UBE2F: variants seen among roughly 807,000 people sequenced by gnomAD.
The protein encoded by UBE2F is ubiquitin conjugating enzyme E2 F (putative), also known as NEDD8-conjugating enzyme UBE2F.
Under a neutral mutation model 29.6 loss-of-function variants are expected in UBE2F, and 5 were observed. That is an observed-to-expected ratio of 0.17 (90% confidence interval 0.09 to 0.36). The LOEUF (loss-of-function observed/expected upper bound fraction) is 0.36, where lower values mean the gene tolerates loss of function less well. Ranked by LOEUF, UBE2F falls within the 10% of genes least tolerant of loss-of-function variation. The pLI is 1.00. For synonymous variants in UBE2F, 66 were observed against 81.8 expected (o/e 0.81, Z 1.04); for missense variants, 141 against 228.5 (o/e 0.62, Z 2.47).
intron 2 of UBE2F, among the ~76,000 whole-genome samples, chr2:237,985,366 C>T (rs1349316358): frequency 6.6e-6 from 1 of 151,818 alleles, no homozygotes; most frequent in African/African-American, 2.4e-5. Context: ...CCCCATTCTG[C>T]CCCCTTCCCC....
At chr2:238,026,642 C>A (rs925566124) in intron 6 of UBE2F, among the ~76,000 whole-genome samples, 7 of 152,120 alleles carry the variant, frequency 4.6e-5, no homozygotes, top group Admixed American at 2.0e-4. Context: ...ACTGTGTTAG[C>A]CAGGATGGTC....
chr2:238,003,110 C>T (rs1322744328), intron 4 of UBE2F, among the ~76,000 whole-genome samples: 1 of 152,006 alleles, frequency 6.6e-6, no homozygotes, highest in East Asian at 1.9e-4. Context: ...TTTATACTCT[C>T]ATCCCTGTTT....
chr2:237,973,203 G>A lies in UBE2F; in HGVS notation c.96G>A (p.Val32=), dbSNP rs1434281301. ...TASDSTRRVS[V]RDKLLVKEVA... is the part of the protein sequence containing the mutation. ...CCGACTCGACTCGGAGGGTTTCTGT[G>A]AGAGACAAATTGCTTGTTAAAGGTA... The change falls in exon 2 of 10, where the codon GTG becomes GTA. Residue 32 remains valine, a synonymous_variant. Transcript: ENST00000272930. 2 of 1,613,796 alleles carry A rather than the reference G, an allele frequency of 1.2e-6. No homozygotes were observed. Among genetic ancestry groups the A allele is most frequent in the Non-Finnish European group, 1.7e-6 (2 of 1,179,706 alleles).
At chr2:238,022,175 C>CTTTTTTCTTTTT (rs2064310343) in intron 5 of UBE2F, among the ~76,000 whole-genome samples, 2 of 63,360 alleles carry the variant, frequency 3.2e-5, no homozygotes, top group African/African-American at 8.3e-5. Context: ...CTTTTCTTTT[C>CTTTTTTCTTTTT]TTTTTTTTTT....
intron 3 of UBE2F, among the ~76,000 whole-genome samples, chr2:237,990,790 AT>A (rs1011556436): frequency 2.0e-5 from 3 of 150,102 alleles, no homozygotes; most frequent in African/African-American, 4.9e-5. Context: ...AATTATTATT[AT>A]TTTTTTGTAG....
chr2:237,988,242 GT>G (rs1286833170), intron 3 of UBE2F, among the ~76,000 whole-genome samples: 1 of 152,080 alleles, frequency 6.6e-6, no homozygotes, highest in African/African-American at 2.4e-5. Flanking sequence ...GAGGTTAGGA[GT>G]TCGAGACCAG....
chr2:237,972,541 ATTTTTTTTTTTTT>A (rs57914670), intron 1 of UBE2F, among the ~76,000 whole-genome samples: 11 of 124,252 alleles, frequency 8.9e-5, no homozygotes, highest in South Asian at 2.5e-4. Flanking sequence ...TTAATTTTAA[ATTTTTTTTTTTTT>A]TTTTTTTTTT....
chr2:238,035,608 A>G (rs944421468), intron 8 of UBE2F: 17 of 357,620 alleles, frequency 4.8e-5, no homozygotes, highest in Non-Finnish European at 8.1e-5. Context: ...TGCGATTGCA[A>G]TTTACTCCAT....
Position 238,042,658 on chromosome 2 carries a change from C to T in UBE2F, c.*1320C>T, listed in dbSNP as rs1262856116. 6.6e-6 allele frequency: 1 copy of T among 152,244 alleles called. No homozygotes were observed. Among genetic ancestry groups the T allele is most frequent in the Non-Finnish European group, 1.5e-5 (1 of 68,060 alleles). 9.4% of individuals were successfully genotyped at this position (152,244 alleles called of 1,614,324 possible). On this transcript the variant is annotated 3_prime_UTR_variant, in exon 10 of 10. Coordinates refer to ENST00000272930, the MANE Select transcript of UBE2F (RefSeq NM_080678.3). ...GCTTCCTTAGACCTCTGGATTCCCC[C>T]ATCTGCCATCTACTGGGTTTAGTTT...
At chr2:237,991,371 A>G (rs1300266957) in intron 3 of UBE2F, among the ~76,000 whole-genome samples, 2 of 152,206 alleles carry the variant, frequency 1.3e-5, no homozygotes, top group Admixed American at 1.3e-4. Flanking sequence ...GCCTTGTATC[A>G]GTACCACTTA....
intron 5 of UBE2F, among the ~76,000 whole-genome samples, chr2:238,020,658 C>T (rs1321807574): frequency 6.6e-6 from 1 of 152,172 alleles, no homozygotes; most frequent in East Asian, 1.9e-4. Flanking sequence ...AATCCCCCAC[C>T]CCACCCAATA....
At chr2:237,981,463 A>G (rs2063373721) in intron 2 of UBE2F, among the ~76,000 whole-genome samples, 1 of 152,046 alleles carries the variant, frequency 6.6e-6, no homozygotes, top group Non-Finnish European at 1.5e-5. Context: ...TGCTTGCACT[A>G]TCTCTTGGAC....
intron 4 of UBE2F, among the ~76,000 whole-genome samples, chr2:238,002,358 C>T (rs1380070115): frequency 4.6e-5 from 7 of 152,060 alleles, no homozygotes; most frequent in African/African-American, 9.7e-5. Flanking sequence ...CATGCTGGTG[C>T]GCTGCACCCA....
At position 237,967,046 on chromosome 2, in the gene UBE2F, C is replaced by T; in HGVS notation, c.-103C>T. 3.8e-6 allele frequency: 5 copies of T among 1,310,622 alleles called. No individual in the cohort carries two copies. Among genetic ancestry groups the T allele is most frequent in the South Asian group, 4.0e-5 (2 of 50,032 alleles). The allele number at this position is 1,310,622 out of a possible 1,614,324, so 81.2% of individuals were successfully genotyped here. The stretch of plus-strand genomic sequence containing the variant: ...GTCCCGCCGCCGGGAGCCGGTGCGG[C>T]TGTGAGGGGCCGCGTCTCGCAGCAG... On this transcript the variant is annotated 5_prime_UTR_variant, in exon 1 of 10. Transcript: ENST00000272930. This position sits in a 1 kb window ranked among gnomAD's most constrained non-coding sequence, Gnocchi z 6.3.
At chr2:237,990,403 C>CTTT in intron 3 of UBE2F, 15 of 422,920 alleles carry the variant, frequency 3.5e-5, no homozygotes, top group East Asian at 7.6e-5. Flanking sequence ...ACATGTAAAC[C>CTTT]TTTTTTTTTT....
chr2:237,976,658 T>A (rs2063287458), intron 2 of UBE2F, among the ~76,000 whole-genome samples: 1 of 152,192 alleles, frequency 6.6e-6, no homozygotes, highest in Non-Finnish European at 1.5e-5. Flanking sequence ...TGCTCTTTTA[T>A]AAGGCCCTGA....
At chr2:238,036,845 G>A (rs1576645203) in intron 9 of UBE2F, among the ~76,000 whole-genome samples, 1 of 152,154 alleles carries the variant, frequency 6.6e-6, no homozygotes, top group South Asian at 2.1e-4. Flanking sequence ...TAAATAGTAG[G>A]AACAGAGAAG....
At position 237,968,824 on chromosome 2, in the gene UBE2F, G is replaced by T. The variant is rs1023587297; in HGVS notation, c.-17+1692G>T. The T allele has an allele frequency of 5.1e-6, 5 of 984,610 alleles. No homozygotes were observed. The African/African-American group carries it at 8.7e-5, about 17-fold the overall frequency. 61.0% of individuals were successfully genotyped at this position (984,610 alleles called of 1,614,324 possible). On this transcript the variant is annotated intron_variant, in intron 1 of 9. Transcript: ENST00000272930. The stretch of plus-strand genomic sequence containing the variant: ...GAAATGCTGCCTTAGAGCGTAATTT[G>T]CAGGAAAGAGGAAGTTTTGTTTTAA...
chr2:237,973,764 T>A, intron 2 of UBE2F: 1 of 1,181,502 alleles, frequency 8.5e-7, no homozygotes, highest in East Asian at 6.1e-5. Context: ...AGAAACTTTA[T>A]CCTTGGAGAA....
Sources: gnomAD v4.1 joint callset for allele counts (sites outside exome capture counted in the v4.1 genomes callset) on GRCh38, gnomAD v4.1.1 for gene constraint, Gnocchi (gnomAD v3.1) non-coding constraint, MANE v1.5 for transcripts, NCBI Gene and HGNC (gene_info 2026-07-23, HGNC 2026-07-21) for gene names.